The following CADM1 variants were observed in gnomAD, a reference collection of about 807,000 sequenced individuals.
CADM1 encodes the protein cell adhesion molecule 1, also known as TSLC-1.
CADM1 carries 15 observed loss-of-function variants against 53.1 expected under a neutral mutation model. The ratio of observed to expected loss-of-function variants is 0.28; its 90% CI spans 0.19 to 0.44. The LOEUF is 0.44. Among genes scored for constraint, CADM1 ranks in the 20% least tolerant of loss-of-function variants. The probability of loss-of-function intolerance (pLI) is 1.00; values close to 1 mark genes in which losing one functional copy is unlikely to be tolerated. For missense variants in CADM1, 434 were observed against 611.3 expected (o/e 0.71, Z 3.06); for synonymous variants, 281 against 243.0 (o/e 1.16, Z -1.45).
At chr11:115,228,156 A>T (rs768874553) in intron 5 of CADM1, among the ~76,000 whole-genome samples, 1 of 152,206 alleles carries the variant, frequency 6.6e-6, no homozygotes, top group African/African-American at 2.4e-5. Flanking sequence ...CTAGAGCTGG[A>T]AAAATCAATG....
chr11:115,435,686 G>A (rs1283832166), intron 1 of CADM1, among the ~76,000 whole-genome samples: 2 of 152,142 alleles, frequency 1.3e-5, no homozygotes, highest in Non-Finnish European at 2.9e-5. Context: ...TGAGCCAAGT[G>A]CACCACTGCA....
intron 1 of CADM1, among the ~76,000 whole-genome samples, chr11:115,487,464 T>C (rs1949400714): frequency 6.6e-6 from 1 of 152,034 alleles, no homozygotes; most frequent in Non-Finnish European, 1.5e-5. Context: ...AAAACATAAC[T>C]CTATGCACTC....
Position 115,175,007 on chromosome 11 carries a change from T to A in CADM1, c.*1467A>T, listed in dbSNP as rs1371751829. 1.0e-6 allele frequency: 1 copy of A among 985,768 alleles called. No homozygotes were observed. The highest frequency in any genetic ancestry group is 1.2e-6 in the Non-Finnish European group (1 of 829,946). 61.1% of individuals were successfully genotyped at this position (985,768 alleles called of 1,614,324 possible). On this transcript the variant is annotated 3_prime_UTR_variant, in exon 12 of 12. Coordinates refer to ENST00000331581, the MANE Select transcript of CADM1 (RefSeq NM_001301043.2). ...GTCACTGATTTTAGTAGCTATGCAC[T>A]ATGGCTGCCATCATGCGAGGATCAG...
intron 1 of CADM1, among the ~76,000 whole-genome samples, chr11:115,359,520 ACTTC>A (rs1945972365): frequency 1.3e-5 from 2 of 152,046 alleles, no homozygotes. Flanking sequence ...CATATTAGAA[ACTTC>A]CTTAGAGAAA....
intron 1 of CADM1, among the ~76,000 whole-genome samples, chr11:115,401,959 T>A (rs1273203169): frequency 6.6e-6 from 1 of 152,052 alleles, no homozygotes; most frequent in African/African-American, 2.4e-5. Context: ...TACAAAAAAT[T>A]AAGTCTTTTT....
At chr11:115,193,808 A>G (rs1233705540) in intron 9 of CADM1, 2 of 152,160 alleles carry the variant, frequency 1.3e-5, no homozygotes, top group African/African-American at 2.4e-5. Context: ...CCATTATGAA[A>G]AACAAAGTAG....
At chr11:115,489,347 A>G (rs1006252437) in intron 1 of CADM1, among the ~76,000 whole-genome samples, 1 of 152,250 alleles carries the variant, frequency 6.6e-6, no homozygotes, top group Non-Finnish European at 1.5e-5. Context: ...AAAGCTGATA[A>G]TAAGACCACC....
At chr11:115,433,173 A>T (rs539468803) in intron 1 of CADM1, among the ~76,000 whole-genome samples, 2 of 152,176 alleles carry the variant, frequency 1.3e-5, no homozygotes, top group Non-Finnish European at 2.9e-5. Context: ...TCCTCTGCTG[A>T]TTGCTGTACA....
intron 1 of CADM1, among the ~76,000 whole-genome samples, chr11:115,307,288 T>A (rs1944400563): frequency 6.6e-6 from 1 of 151,872 alleles, no homozygotes. Flanking sequence ...TTTTTAGCAA[T>A]TTTCCTTTGC....
rs781463024 is a variant in CADM1, at chr11:115,238,691, T to C, written c.272-39A>G. On this transcript the variant is annotated intron_variant, in intron 2 of 11. Coordinates refer to ENST00000331581, the MANE Select transcript of CADM1 (RefSeq NM_001301043.2). ...CAGAGAGTTAGTGATTGTGAGAAGGTGGACGGACAGTCTATTTTCCTTAAT... is the reference window on the plus strand; with the variant it reads ...CAGAGAGTTAGTGATTGTGAGAAGGCGGACGGACAGTCTATTTTCCTTAAT... 5 of 1,602,666 alleles carry C rather than the reference T, an allele frequency of 3.1e-6. No individual in the cohort carries two copies. The African/African-American group carries it at 6.7e-5, about 21-fold the overall frequency.
chr11:115,324,700 G>A (rs549890500), intron 1 of CADM1, among the ~76,000 whole-genome samples: 36 of 152,254 alleles, frequency 2.4e-4, no homozygotes, highest in African/African-American at 8.4e-4. Context: ...CTGCGATGAG[G>A]AATGACCAAT....
intron 8 of CADM1, among the ~76,000 whole-genome samples, chr11:115,200,773 C>T (rs1350718619): frequency 1.3e-5 from 2 of 152,154 alleles, no homozygotes; most frequent in Admixed American, 6.5e-5. Context: ...GGATTACAGG[C>T]GTGAGGCACC....
At chr11:115,366,283 AG>A (rs1946155474) in intron 1 of CADM1, among the ~76,000 whole-genome samples, 1 of 152,250 alleles carries the variant, frequency 6.6e-6, no homozygotes, top group Non-Finnish European at 1.5e-5. Flanking sequence ...CCTCCTTGAT[AG>A]GAAAAGTCAG....
intron 1 of CADM1, among the ~76,000 whole-genome samples, chr11:115,298,696 C>T (rs1283653963): frequency 2.0e-5 from 3 of 152,290 alleles, no homozygotes; most frequent in Non-Finnish European, 2.9e-5. Context: ...GGAAAATCAG[C>T]GAAGACACCA....
chr11:115,350,815 A>C (rs1171430331), intron 1 of CADM1, among the ~76,000 whole-genome samples: 1 of 151,984 alleles, frequency 6.6e-6, no homozygotes, highest in African/African-American at 2.4e-5. Flanking sequence ...AGAAAATCAC[A>C]TTATTCTTTC....
chr11:115,383,949 C>T (rs1946638792), intron 1 of CADM1, among the ~76,000 whole-genome samples: 1 of 151,354 alleles, frequency 6.6e-6, no homozygotes, highest in East Asian at 1.9e-4. Context: ...CCTAAGAGCT[C>T]CTGGAAAAAA....
chr11:115,240,173 T>C, intron 2 of CADM1, 101 bp downstream of exon 2: 1 of 1,067,238 alleles, frequency 9.4e-7, no homozygotes, highest in Non-Finnish European at 1.4e-6. Flanking sequence ...ACTTTAAGCA[T>C]CTAACATTAA....
intron 1 of CADM1, among the ~76,000 whole-genome samples, chr11:115,254,593 C>CACACACACACACAG (rs1491508599): frequency 2.2e-5 from 3 of 136,296 alleles, no homozygotes; most frequent in African/African-American, 8.8e-5. Flanking sequence ...CACACACACA[C>CACACACACACACAG]AGAGACAACA....
intron 1 of CADM1, among the ~76,000 whole-genome samples, chr11:115,243,815 C>G (rs1403453900): frequency 1.3e-5 from 2 of 152,162 alleles, no homozygotes; most frequent in Non-Finnish European, 2.9e-5. Flanking sequence ...TAAAACCTTT[C>G]TGATTTTCTA....
Sources: allele counts gnomAD v4.1 joint callset (sites outside exome capture counted in the v4.1 genomes callset), GRCh38; gene constraint gnomAD v4.1.1; transcripts MANE v1.5; gene names NCBI Gene and HGNC (gene_info 2026-07-23, HGNC 2026-07-21).